Variants in AEBP2 observed in about 807,000 individuals in gnomAD.
AEBP2 encodes the protein AE binding protein 2, also known as zinc finger protein AEBP2.
AEBP2 carries 10 observed loss-of-function variants against 50.8 expected under a neutral mutation model. The ratio of observed to expected loss-of-function variants is 0.20; its 90% CI spans 0.12 to 0.33. The LOEUF is 0.33. Ranked by LOEUF, AEBP2 falls within the 10% of genes least tolerant of loss-of-function variation. The pLI is 1.00. For missense variants in AEBP2, 570 were observed against 688.0 expected, an observed-to-expected ratio of 0.83 and a Z score of 1.92; for synonymous variants, 296 against 261.3, an observed-to-expected ratio of 1.13 and a Z score of -1.28.
In AEBP2 at chr12:19,439,987, C is replaced by G. The variant is rs768159445; in HGVS notation, c.288C>G (p.Asp96Glu). 6.6e-7 allele frequency: 1 copy of G among 1,520,054 alleles called. No homozygotes were observed. The highest frequency in any genetic ancestry group is 1.2e-5 in the South Asian group (1 of 83,188). The allele number at this position is 1,520,054 out of a possible 1,614,324, so 94.2% of individuals were successfully genotyped here. ...SPESASQAGE[D>E]EDEEEDDEEE... ...AGAGCGCCAGCCAGGCCGGGGAGGA[C>G]GAAGACGAGGAGGAGGACGACGAGG... The change falls in exon 1 of 8, where the codon GAC becomes GAG. Residue 96 changes from aspartate (D) to glutamate (E), a missense_variant. Around this residue, in one of 2 missense-constraint regions of AEBP2, gnomAD observed 386 missense variants for 336.8 expected, o/e 1.15. Transcript: ENST00000266508.
rs1249406948 is a variant in AEBP2, at chr12:19,439,672, AGG to A, written c.-27_-26del. 2.3e-6 allele frequency: 3 copies of A among 1,286,470 alleles called. No homozygotes were observed. The highest frequency in any genetic ancestry group is 2.1e-6 in the Non-Finnish European group (2 of 959,360). The allele number at this position is 1,286,470 out of a possible 1,614,324, so 79.7% of individuals were successfully genotyped here. A position where few individuals can be genotyped will look rare whatever the true frequency, so the allele number is the denominator to read the frequency against. ...AGAGAGGGAGGCGGCGGTGGGGAGG[AGG>A]AGGAGGAGGAGGAGCAGGCGCCGCC... On this transcript the variant is annotated 5_prime_UTR_variant, in exon 1 of 8. Transcript: ENST00000266508.
In AEBP2 at chr12:19,518,506, A is replaced by G; in HGVS notation, c.*389A>G. 2 of 1,256,978 alleles carry G rather than the reference A, an allele frequency of 1.6e-6. No individual in the cohort carries two copies. The highest frequency in any genetic ancestry group is 2.0e-6 in the Non-Finnish European group (2 of 997,304). The allele number at this position is 1,256,978 out of a possible 1,614,324, so 77.9% of individuals were successfully genotyped here. A position where few individuals can be genotyped will look rare whatever the true frequency, so the allele number is the denominator to read the frequency against. ...TATTGGAAAGAAAAACAATTACAACATGTGCCCTTACAAATACCAAAAGCA... is the reference window on the plus strand; with the variant it reads ...TATTGGAAAGAAAAACAATTACAACGTGTGCCCTTACAAATACCAAAAGCA... On this transcript the variant is annotated 3_prime_UTR_variant, in exon 8 of 8. Transcript: ENST00000266508.
At chr12:19,440,598 CCT>C in intron 1 of AEBP2, 2 of 1,470,090 alleles carry the variant, frequency 1.4e-6, no homozygotes, top group East Asian at 2.5e-5. Context: ...CTTTCCCCGC[CCT>C]CTTTCCCCTC....
intron 1 of AEBP2, among the ~76,000 whole-genome samples, chr12:19,454,315 A>C (rs1035260317): frequency 3.3e-5 from 5 of 152,188 alleles, no homozygotes; most frequent in African/African-American, 1.2e-4. Context: ...CCAGAACCTC[A>C]CACTGAACTC....
At chr12:19,509,596 G>A (rs565333778) in intron 5 of AEBP2, among the ~76,000 whole-genome samples, 1 of 151,878 alleles carries the variant, frequency 6.6e-6, no homozygotes, top group Non-Finnish European at 1.5e-5. Context: ...AAATAAAAAA[G>A]ACATACCTAG....
intron 1 of AEBP2, among the ~76,000 whole-genome samples, chr12:19,419,394 C>A (rs908457496): frequency 2.6e-5 from 4 of 151,634 alleles, no homozygotes; most frequent in African/African-American, 9.7e-5. Context: ...TCGAGACCAT[C>A]CTGGCTACAA....
At chr12:19,499,282 C>A (rs1311118341) in intron 4 of AEBP2, among the ~76,000 whole-genome samples, 1 of 152,040 alleles carries the variant, frequency 6.6e-6, no homozygotes, top group Non-Finnish European at 1.5e-5. Flanking sequence ...GATCATTGTT[C>A]AAATAGTTGT....
At chr12:19,509,003 T>C in intron 5 of AEBP2, 1 of 549,932 alleles carries the variant, frequency 1.8e-6, no homozygotes, top group Non-Finnish European at 3.5e-6. Flanking sequence ...TGTTTACCTT[T>C]TTACTAAGAA....
chr12:19,440,683 G>A (rs1413911865), intron 1 of AEBP2: 2 of 1,533,194 alleles, frequency 1.3e-6, no homozygotes, highest in African/African-American at 1.4e-5. Flanking sequence ...CAGATCCTCT[G>A]GCGGAGCAGA....
chr12:19,448,162 C>T (rs968440955), intron 1 of AEBP2, among the ~76,000 whole-genome samples: 9 of 152,162 alleles, frequency 5.9e-5, no homozygotes, highest in African/African-American at 2.2e-4. Context: ...TCTGCTTGAC[C>T]TCCCAAAGTG....
At chr12:19,447,327 A>C (rs1243358278) in intron 1 of AEBP2, among the ~76,000 whole-genome samples, 1 of 152,212 alleles carries the variant, frequency 6.6e-6, no homozygotes, top group Non-Finnish European at 1.5e-5. Context: ...CAGCATTCCG[A>C]GTTCTTTCTT....
In AEBP2 at chr12:19,490,045, CT is replaced by C. The variant is rs910967572; in HGVS notation, c.988-3749del. On this transcript the variant is annotated intron_variant, in intron 3 of 7. Coordinates refer to ENST00000266508, the MANE Select transcript of AEBP2 (RefSeq NM_153207.5). The stretch of plus-strand genomic sequence containing the variant: ...GGGGGAGGTTAGAGATGGAGTCTCC[CT>C]TTTTTGCCCAGGCTAGTCTCAAACT... 3.0e-5 allele frequency among the ~76,000 whole-genome samples: 4 copies of C among 133,048 alleles called. 1 individual carries two copies. Among genetic ancestry groups the C allele is most frequent in the African/African-American group, 1.2e-4 (4 of 34,308 alleles). 87.3% of individuals were successfully genotyped at this position (133,048 alleles called of 152,430 possible). A position where few individuals can be genotyped will look rare whatever the true frequency, so the allele number is the denominator to read the frequency against.
chr12:19,495,843 C>T (rs1359890613), intron 4 of AEBP2, among the ~76,000 whole-genome samples: 1 of 152,124 alleles, frequency 6.6e-6, no homozygotes, highest in Non-Finnish European at 1.5e-5. Context: ...CATACCTGGC[C>T]TTAAGTTTCT....
intron 1 of AEBP2, among the ~76,000 whole-genome samples, chr12:19,427,833 C>G (rs1417287759): frequency 6.6e-6 from 1 of 152,068 alleles, no homozygotes; most frequent in East Asian, 1.9e-4. Flanking sequence ...GGATTTTACT[C>G]CTCAGAGCCT....
rs71067029 is a variant in AEBP2, at chr12:19,489,990, CTTTTTTTTTTTTTT to C, written c.988-3798_988-3785del. 2.5e-4 allele frequency among the ~76,000 whole-genome samples: 12 copies of C among 47,694 alleles called. 1 individual carries two copies. Among genetic ancestry groups the C allele is most frequent in the African/African-American group, 6.8e-4 (8 of 11,836 alleles). The allele number at this position is 47,694 out of a possible 152,430, so 31.3% of individuals were successfully genotyped here. A position where few individuals can be genotyped will look rare whatever the true frequency, so the allele number is the denominator to read the frequency against. Reference sequence around the variant, plus strand: ...CTGAATCATTGATAATTAAAATAAACTTTTTTTTTTTTTTTTTTTTTTTTTGCATGGGGGAGGTT... The same window carrying C: ...CTGAATCATTGATAATTAAAATAAACTTTTTTTTTTTGCATGGGGGAGGTT... On this transcript the variant is annotated intron_variant, in intron 3 of 7. Transcript: ENST00000266508.
chr12:19,424,688 G>A lies in AEBP2; in HGVS notation c.-17+20472G>A, dbSNP rs369803648. On this transcript the variant is annotated intron_variant, in intron 1 of 3. Transcript: ENST00000538425. ...TGGGATTACAGGCGTGAGCCACCGCGCCCGGCCTAAGATGTCATTTTTTAA... is the reference window on the plus strand; with the variant it reads ...TGGGATTACAGGCGTGAGCCACCGCACCCGGCCTAAGATGTCATTTTTTAA... 1.2e-3 allele frequency among the ~76,000 whole-genome samples: 183 copies of A among 151,892 alleles called. 1 individual carries two copies. Among genetic ancestry groups the A allele is most frequent in the South Asian group, 2.5e-3 (12 of 4,802 alleles).
rs1222664868 is a variant in AEBP2 at position 19,475,193 on chromosome 12, CTGTACCCACT to C, written c.987+1839_987+1848del. On this transcript the variant is annotated intron_variant, in intron 3 of 7. Transcript: ENST00000266508. ...TCACCTGAGCTGTGTACACTGTACA[CTGTACCCACT>C]GTGTAGTCTTTTATACCTAACCACC... Among the ~76,000 whole-genome samples the C allele has an allele frequency of 3.3e-5, 5 of 151,510 alleles. No individual in the cohort carries two copies. The East Asian group carries it at 9.7e-4, about 29-fold the overall frequency.
intron 1 of AEBP2, among the ~76,000 whole-genome samples, chr12:19,458,884 C>T (rs1472497306): frequency 1.3e-5 from 2 of 152,154 alleles, no homozygotes; most frequent in South Asian, 2.1e-4. Flanking sequence ...TACTAGGTTT[C>T]GTATATCTTT....
intron 1 of AEBP2, among the ~76,000 whole-genome samples, chr12:19,421,260 C>T (rs566083074): frequency 3.2e-4 from 46 of 142,832 alleles, no homozygotes; most frequent in Non-Finnish European, 3.5e-4. Context: ...AGAAGAATTG[C>T]TTGAACCCAG....
Sources: gnomAD v4.1 joint callset for allele counts (sites outside exome capture counted in the v4.1 genomes callset) on GRCh38, gnomAD v4.1.1 for gene constraint, gnomAD v4.1.1 regional missense constraint, MANE v1.5 for transcripts, NCBI Gene and HGNC (gene_info 2026-07-23, HGNC 2026-07-21) for gene names.